LRRC40: variants seen among roughly 807,000 people sequenced by gnomAD.
LRRC40 encodes the protein leucine-rich repeat-containing protein 40.
LRRC40 carries 76 observed loss-of-function variants against 72.8 expected under a neutral mutation model. That is an observed-to-expected ratio of 1.04 (90% confidence interval 0.87 to 1.26). The LOEUF is 1.26. Among genes scored for constraint, LRRC40 ranks in the 50% most tolerant of loss-of-function variants. The probability of loss-of-function intolerance (pLI) is 0.00; values close to 1 mark genes in which losing one functional copy is unlikely to be tolerated. For missense variants in LRRC40, 684 were observed against 698.9 expected, an observed-to-expected ratio of 0.98 and a Z score of 0.24; for synonymous variants, 243 against 254.2, an observed-to-expected ratio of 0.96 and a Z score of 0.42.
chr1:70,163,856 G>A (rs1667820074), intron 9 of LRRC40, among the ~76,000 whole-genome samples: 1 of 152,112 alleles, frequency 6.6e-6, no homozygotes, highest in Non-Finnish European at 1.5e-5. Flanking sequence ...ATGCCACGAT[G>A]GCATAATTGG....
intron 2 of LRRC40, 27 bp downstream of exon 2, chr1:70,189,065 A>G: frequency 6.3e-7 from 1 of 1,576,910 alleles, no homozygotes; most frequent in Non-Finnish European, 8.6e-7. Flanking sequence ...TCAATTAATA[A>G]TCCATATTTA....
At chr1:70,192,407 G>A (rs955427181) in intron 1 of LRRC40, among the ~76,000 whole-genome samples, 5 of 152,062 alleles carry the variant, frequency 3.3e-5, no homozygotes, top group South Asian at 2.1e-4. Flanking sequence ...GCAGGATGGC[G>A]ATTCCTCAAA....
intron 1 of LRRC40, among the ~76,000 whole-genome samples, chr1:70,202,551 G>C (rs996809992): frequency 6.6e-6 from 1 of 152,110 alleles, no homozygotes; most frequent in African/African-American, 2.4e-5. Context: ...AGGAATGAAT[G>C]GGTAGAGCAC....
chr1:70,182,925 T>C (rs1345062756), intron 4 of LRRC40, among the ~76,000 whole-genome samples: 1 of 152,118 alleles, frequency 6.6e-6, no homozygotes, highest in Admixed American at 6.5e-5. Flanking sequence ...ATAGTAGAAA[T>C]TTTATTTATT....
chr1:70,148,625 G>T lies in LRRC40; in HGVS notation c.1565C>A (p.Thr522Lys), dbSNP rs376376772. ...EVLYRIFTLETILISNNQVGS... is the reference protein window; with the variant it reads ...EVLYRIFTLEKILISNNQVGS... Reference sequence around the variant, plus strand: ...AACCTGATTATTACTAATCAGAATTGTTTCAAGTGTGAAGATACGATATAG... The same window carrying T: ...AACCTGATTATTACTAATCAGAATTTTTTCAAGTGTGAAGATACGATATAG... The change falls in exon 14 of 15, where the codon ACA (threonine) becomes AAA (lysine). Residue 522 changes from threonine to lysine, a missense_variant. By Grantham distance (78) the Thr-to-Lys change is moderately conservative (BLOSUM62 -1). Coordinates refer to ENST00000370952, the MANE Select transcript of LRRC40 (RefSeq NM_017768.5). 1.2e-6 allele frequency: 2 copies of T among 1,612,386 alleles called. No homozygotes were observed. The highest frequency in any genetic ancestry group is 2.7e-5 in the African/African-American group (2 of 74,862).
At chr1:70,166,846 G>C (rs1667891271) in intron 9 of LRRC40, among the ~76,000 whole-genome samples, 1 of 151,432 alleles carries the variant, frequency 6.6e-6, no homozygotes, top group African/African-American at 2.4e-5. Context: ...TTTTGGCTTG[G>C]TTTTCCCTTG....
At chr1:70,174,112 A>G (rs1195478559) in intron 7 of LRRC40, among the ~76,000 whole-genome samples, 1 of 152,076 alleles carries the variant, frequency 6.6e-6, no homozygotes, top group Non-Finnish European at 1.5e-5. Flanking sequence ...ATAGAAAAAG[A>G]TAATTTTTGA....
intron 9 of LRRC40, among the ~76,000 whole-genome samples, chr1:70,164,818 T>C (rs1667844696): frequency 6.6e-6 from 1 of 152,198 alleles, no homozygotes; most frequent in Non-Finnish European, 1.5e-5. Context: ...TAAAAAGATA[T>C]TTTATAAACA....
intron 4 of LRRC40, 59 bp downstream of exon 4, chr1:70,184,726 G>C (rs1668322148): frequency 1.4e-6 from 2 of 1,477,526 alleles, no homozygotes; most frequent in African/African-American, 2.9e-5. Flanking sequence ...TAATTTCTCA[G>C]CCTGATGAAA....
chr1:70,191,088 C>T (rs1272886763), intron 1 of LRRC40, among the ~76,000 whole-genome samples: 1 of 148,790 alleles, frequency 6.7e-6, no homozygotes, highest in African/African-American at 2.5e-5. Context: ...GAAATGTGGT[C>T]ACATATATAT....
chr1:70,150,426 T>C (rs184375176), intron 13 of LRRC40, among the ~76,000 whole-genome samples: 194 of 152,292 alleles, frequency 1.3e-3, no homozygotes, highest in Non-Finnish European at 3.2e-4. Flanking sequence ...GAACCTACCA[T>C]GTAGGGTTCT....
intron 1 of LRRC40, among the ~76,000 whole-genome samples, chr1:70,198,753 C>T (rs866204313): frequency 2.0e-5 from 3 of 152,036 alleles, no homozygotes; most frequent in Non-Finnish European, 2.9e-5. Context: ...ATAAGATGGA[C>T]TATTATACAG....
intron 1 of LRRC40, among the ~76,000 whole-genome samples, chr1:70,197,783 A>G (rs752734373): frequency 1.1e-4 from 17 of 152,046 alleles, no homozygotes; most frequent in Non-Finnish European, 1.2e-4. Flanking sequence ...TTTGCACAGA[A>G]GGATAAAAGA....
chr1:70,161,019 T>C (rs1452134602), intron 9 of LRRC40, among the ~76,000 whole-genome samples: 2 of 151,300 alleles, frequency 1.3e-5, no homozygotes, highest in Admixed American at 1.3e-4. Context: ...GTTGTAATTG[T>C]ACAAGTGACT....
intron 9 of LRRC40, among the ~76,000 whole-genome samples, chr1:70,172,426 T>G (rs554322348): frequency 3.8e-4 from 58 of 152,314 alleles, no homozygotes; most frequent in African/African-American, 1.4e-3. Flanking sequence ...AATTTTCTTT[T>G]TGTGGGGTTT....
chr1:70,161,151 G>A (rs950072959), intron 9 of LRRC40, among the ~76,000 whole-genome samples: 23 of 150,938 alleles, frequency 1.5e-4, no homozygotes, highest in African/African-American at 4.4e-4. Flanking sequence ...GCAGTGGCGC[G>A]ATCTCGCACG....
At chr1:70,151,727 A>T (rs977774546) in intron 12 of LRRC40, 1 of 152,050 alleles carries the variant, frequency 6.6e-6, no homozygotes, top group South Asian at 2.1e-4. Context: ...AATTTACACA[A>T]TGACTATTTT....
rs1267608510 is a variant in LRRC40, at chr1:70,172,111, G to C, written c.1111+1354C>G. 2.6e-5 allele frequency among the ~76,000 whole-genome samples: 4 copies of C among 152,208 alleles called. No individual in the cohort carries two copies. In the East Asian group the frequency reaches 7.7e-4, roughly 29 times the overall value. On this transcript the variant is annotated intron_variant, in intron 9 of 14. Coordinates refer to ENST00000370952, the MANE Select transcript of LRRC40 (RefSeq NM_017768.5). ...CAGAACCCTCATGAACGGGAATAGT[G>C]CCCTTATAAAAGAAGTCTTGGGGGC... is the stretch of plus-strand genomic sequence containing the variant.
At position 70,145,870 on chromosome 1, in the gene LRRC40, G is replaced by A. The variant is rs761206014; in HGVS notation, c.1739C>T (p.Pro580Leu). The A allele has an allele frequency of 1.2e-6, 2 of 1,608,430 alleles. No homozygotes were observed. The highest frequency in any genetic ancestry group is 3.3e-5 in the Admixed American group (2 of 59,896). Residue 580 changes from proline to leucine, a missense_variant, in exon 15 of 15, where the codon CCT (proline) becomes CTT (leucine). Coordinates refer to ENST00000370952, the MANE Select transcript of LRRC40 (RefSeq NM_017768.5). ...TCCTTTCATTAATATGGCTGCTCGAGGAACTCGGAATGGATTTCCATCCAG... is the reference window on the plus strand; with the variant it reads ...TCCTTTCATTAATATGGCTGCTCGAAGAACTCGGAATGGATTTCCATCCAG... Reference protein sequence around the residue: ...LLLDGNPFRVPRAAILMKGTA... With the variant: ...LLLDGNPFRVLRAAILMKGTA...
Sources: allele counts gnomAD v4.1 joint callset (sites outside exome capture counted in the v4.1 genomes callset), GRCh38; gene constraint gnomAD v4.1.1; transcripts MANE v1.5; gene names NCBI Gene and HGNC (gene_info 2026-07-23, HGNC 2026-07-21).